Variants in BCL11A observed in about 807,000 individuals in gnomAD.
BCL11A encodes B cell CLL/lymphoma 11A.
BCL11A carries 2 observed loss-of-function variants against 55.9 expected under a neutral mutation model. The observed-to-expected ratio is 0.04, with a 90% CI of 0.01 to 0.11. The LOEUF (loss-of-function observed/expected upper bound fraction) is 0.11. Among genes scored for constraint, BCL11A ranks in the 10% least tolerant of loss-of-function variants. The probability of loss-of-function intolerance (pLI) is 1.00; values close to 1 mark genes in which losing one functional copy is unlikely to be tolerated. For missense variants in BCL11A, 817 were observed against 1,137.1 expected (o/e 0.72, Z 4.05); for synonymous variants, 465 against 473.4 (o/e 0.98, Z 0.23).
chr2:60,515,787 C>T (rs1222213230), intron 2 of BCL11A, among the ~76,000 whole-genome samples: 2 of 152,354 alleles, frequency 1.3e-5, no homozygotes, highest in Non-Finnish European at 2.9e-5. Flanking sequence ...GATCACCCAA[C>T]TTTCCAGCTT....
intron 2 of BCL11A, among the ~76,000 whole-genome samples, chr2:60,511,830 T>C (rs991451907): frequency 4.6e-5 from 7 of 152,216 alleles, no homozygotes; most frequent in Admixed American, 2.6e-4. Context: ...AACACTCTGT[T>C]TCTATGAAGG....
chr2:60,508,815 C>T (rs1274693628), intron 2 of BCL11A: 3 of 152,314 alleles, frequency 2.0e-5, no homozygotes, highest in South Asian at 2.1e-4. Context: ...TGAGCTCCCC[C>T]TTGGGTTACC....
At chr2:60,519,076 C>A (rs116579637) in intron 2 of BCL11A, among the ~76,000 whole-genome samples, 1,528 of 152,236 alleles carry the variant, frequency 0.01, 17 homozygotes, top group African/African-American at 0.034. Flanking sequence ...ATCCTGATAC[C>A]AGCAGGAAAC....
chr2:60,529,781 C>G (rs1216398882), intron 2 of BCL11A, among the ~76,000 whole-genome samples: 1 of 152,162 alleles, frequency 6.6e-6, no homozygotes, highest in Non-Finnish European at 1.5e-5. Context: ...ACAATGGTGC[C>G]TTTTCAAGTC....
chr2:60,462,012 C>T lies in BCL11A; in HGVS notation c.900G>A (p.Val300=), dbSNP rs116590886. The change falls in exon 4 of 4, where the codon GTG becomes GTA. Residue 300 remains valine (V), a synonymous_variant. Coordinates refer to ENST00000642384, the MANE Select transcript of BCL11A (RefSeq NM_022893.4). ...ATHHPSAFDR[V]LRLNPMAMEP... ...CCATAGCCATTGGATTCAACCGCAG[C>T]ACCCTGTCAAAGGCACTCGGGTGAT... 7.2e-5 allele frequency: 116 copies of T among 1,612,882 alleles called. No homozygotes were observed. In the East Asian group the frequency reaches 1.9e-3, roughly 27 times the overall value.
At chr2:60,472,329 T>C (rs191982799) in intron 2 of BCL11A, among the ~76,000 whole-genome samples, 1 of 152,338 alleles carries the variant, frequency 6.6e-6, no homozygotes, top group African/African-American at 2.4e-5. Flanking sequence ...ACTGGACTCT[T>C]GTTTCCCTTT....
In BCL11A at chr2:60,460,026, A is replaced by C; in HGVS notation, c.*378T>G. 1 of 1,079,564 alleles carries C rather than the reference A, an allele frequency of 9.3e-7. No individual in the cohort carries two copies. 66.9% of individuals were successfully genotyped at this position (1,079,564 alleles called of 1,614,324 possible). ...TTAGGGACAATTTAAAATAGCCATA[A>C]CATACCATACATGCTGTCTAAGTTT... is the stretch of plus-strand genomic sequence containing the variant. On this transcript the variant is annotated 3_prime_UTR_variant, in exon 4 of 4. Coordinates refer to ENST00000642384, the MANE Select transcript of BCL11A (RefSeq NM_022893.4).
At chr2:60,471,692 A>G (rs1249234098) in intron 2 of BCL11A, among the ~76,000 whole-genome samples, 1 of 152,090 alleles carries the variant, frequency 6.6e-6, no homozygotes, top group Non-Finnish European at 1.5e-5. Context: ...CCAGCCAGAG[A>G]TGGGCTCTGG....
At chr2:60,498,088 C>G (rs986515231) in intron 2 of BCL11A, among the ~76,000 whole-genome samples, 23 of 151,836 alleles carry the variant, frequency 1.5e-4, no homozygotes, top group African/African-American at 5.6e-4. Context: ...GGACATCACT[C>G]TTAGCAGGGC....
chr2:60,513,022 A>G (rs1668549365), intron 2 of BCL11A, among the ~76,000 whole-genome samples: 1 of 152,060 alleles, frequency 6.6e-6, no homozygotes. Context: ...CCACACCACC[A>G]CCTCTGGTTA....
At chr2:60,528,043 T>G (rs574064018) in intron 2 of BCL11A, 21 of 152,466 alleles carry the variant, frequency 1.4e-4, no homozygotes, top group African/African-American at 5.1e-4. Flanking sequence ...GTTTCCAGCA[T>G]GCCTTCCGGA....
chr2:60,547,639 A>T (rs1670217022), intron 1 of BCL11A, among the ~76,000 whole-genome samples: 2 of 152,238 alleles, frequency 1.3e-5, no homozygotes, highest in South Asian at 4.1e-4. Context: ...TGCCAATTTT[A>T]CATTTAATGA....
chr2:60,507,478 C>T (rs934518465), intron 2 of BCL11A, among the ~76,000 whole-genome samples: 5 of 151,930 alleles, frequency 3.3e-5, no homozygotes, highest in Admixed American at 6.5e-5. Context: ...AAGCTGCTTC[C>T]GTTCAAGCCA....
intron 2 of BCL11A, among the ~76,000 whole-genome samples, chr2:60,532,669 G>C (rs1377634768): frequency 6.6e-6 from 1 of 152,116 alleles, no homozygotes; most frequent in African/African-American, 2.4e-5. Context: ...GACTTTACTT[G>C]AAAAACAGTT....
chr2:60,511,090 C>A (rs548862510), intron 2 of BCL11A, among the ~76,000 whole-genome samples: 13 of 152,324 alleles, frequency 8.5e-5, no homozygotes, highest in African/African-American at 2.4e-4. Flanking sequence ...GATGCCCATA[C>A]TCATATCCAA....
intron 2 of BCL11A, among the ~76,000 whole-genome samples, chr2:60,495,199 G>T (rs1326057966): frequency 2.0e-5 from 3 of 152,228 alleles, no homozygotes; most frequent in Non-Finnish European, 4.4e-5. Flanking sequence ...GGAGAGGTCT[G>T]CCAGTCCTCT....
chr2:60,451,337 T>A, exon 5 of BCL11A: 1 of 228,018 alleles, frequency 4.4e-6, no homozygotes, highest in Non-Finnish European at 8.7e-6. Context: ...CTGAGCTCTA[T>A]TATTGACAAA....
intron 2 of BCL11A, among the ~76,000 whole-genome samples, chr2:60,492,039 C>T (rs1037397650): frequency 2.0e-5 from 3 of 152,198 alleles, no homozygotes; most frequent in African/African-American, 7.2e-5. Flanking sequence ...GGAGATGCTA[C>T]ATTGTTAGCA....
At chr2:60,547,743 G>C (rs577236144) in intron 1 of BCL11A, among the ~76,000 whole-genome samples, 2 of 152,226 alleles carry the variant, frequency 1.3e-5, no homozygotes, top group African/African-American at 4.8e-5. Context: ...AGTGAACTCA[G>C]GTTAAATTTA....
Sources: gnomAD v4.1 joint callset for allele counts (sites outside exome capture counted in the v4.1 genomes callset) on GRCh38, gnomAD v4.1.1 for gene constraint, MANE v1.5 for transcripts, NCBI Gene and HGNC (gene_info 2026-07-23, HGNC 2026-07-21) for gene names.